CCDC30: variants seen among roughly 807,000 people sequenced by gnomAD.
The protein encoded by CCDC30 is coiled-coil domain containing 30.
Under a neutral mutation model 100.2 loss-of-function variants are expected in CCDC30, and 70 were observed. That is an observed-to-expected ratio of 0.70 (90% CI 0.58 to 0.85). The LOEUF (loss-of-function observed/expected upper bound fraction) is 0.85. Among genes scored for constraint, CCDC30 ranks in the 40% least tolerant of loss-of-function variants. The pLI is 0.00. For synonymous variants in CCDC30, 233 were observed against 269.5 expected, an observed-to-expected ratio of 0.86 and a Z score of 1.33; for missense variants, 652 against 771.2, an observed-to-expected ratio of 0.85 and a Z score of 1.83.
intron 6 of CCDC30, among the ~76,000 whole-genome samples, chr1:42,551,744 TG>T (rs1433811071): frequency 6.9e-4 from 98 of 142,426 alleles, no homozygotes; most frequent in Non-Finnish European, 2.4e-4. Context: ...TAAATTCTGG[TG>T]TGTGTGTGTG....
intron 6 of CCDC30, among the ~76,000 whole-genome samples, chr1:42,535,352 G>C (rs928332492): frequency 6.6e-6 from 1 of 151,906 alleles, no homozygotes; most frequent in African/African-American, 2.4e-5. Context: ...ATCATTATCT[G>C]TATTTTTAAT....
chr1:42,545,313 C>A, intron 6 of CCDC30, 97 bp from the exon 9 acceptor site: 1 of 922,700 alleles, frequency 1.1e-6, no homozygotes, highest in Non-Finnish European at 1.6e-6. Context: ...TTATATAAGC[C>A]AATAGTTAAG....
intron 11 of CCDC30, among the ~76,000 whole-genome samples, chr1:42,612,434 C>T (rs946011168): frequency 3.3e-5 from 5 of 152,216 alleles, no homozygotes; most frequent in African/African-American, 7.2e-5. Context: ...CTGTAAGGGT[C>T]GTGGCTGGAT....
intron 7 of CCDC30, among the ~76,000 whole-genome samples, chr1:42,568,541 C>T (rs929881890): frequency 1.3e-5 from 2 of 152,176 alleles, no homozygotes; most frequent in Middle Eastern, 3.2e-3. Flanking sequence ...TTGTTTCTCT[C>T]TTTCCTTTAT....
At chr1:42,459,716 A>G (rs1569624083), upstream of CCDC30, 1 of 1,614,188 alleles carries the variant, frequency 6.2e-7, no homozygotes, top group Non-Finnish European at 8.5e-7. Flanking sequence ...TAATTAATCG[A>G]GCTCGGAAGG....
chr1:42,523,958 T>C (rs963428408), intron 6 of CCDC30, among the ~76,000 whole-genome samples: 2 of 152,186 alleles, frequency 1.3e-5, no homozygotes, highest in African/African-American at 4.8e-5. Flanking sequence ...TCTATCTCTT[T>C]ACTGATATTT....
chr1:42,516,243 T>C (rs1258046817), intron 6 of CCDC30, among the ~76,000 whole-genome samples: 1 of 152,016 alleles, frequency 6.6e-6, no homozygotes. Context: ...CCATCCTAAG[T>C]GTGTGAAGTG....
In CCDC30 at chr1:42,501,088, A is replaced by G. The variant is rs1309022007; in HGVS notation, c.456+2172A>G. Among the ~76,000 whole-genome samples, 4 of 152,194 alleles carry G rather than the reference A, an allele frequency of 2.6e-5. No homozygotes were observed. In the East Asian group the frequency reaches 5.8e-4, roughly 22 times the overall value. On this transcript the variant is annotated intron_variant, in intron 6 of 16. Transcript: ENST00000668663. ...TGATAGGACACAAAAAGCCTATTTAAGAAATCTTTATCTACTCTAAGGTCA... is the reference window on the plus strand; with the variant it reads ...TGATAGGACACAAAAAGCCTATTTAGGAAATCTTTATCTACTCTAAGGTCA...
At chr1:42,637,970 T>C (rs1570322397) in intron 12 of CCDC30, among the ~76,000 whole-genome samples, 1 of 152,314 alleles carries the variant, frequency 6.6e-6, no homozygotes, top group East Asian at 1.9e-4. Flanking sequence ...TTGGGGTCAC[T>C]AGCCCTTTCA....
chr1:42,602,471 C>T (rs2148627349), intron 10 of CCDC30, among the ~76,000 whole-genome samples: 1 of 152,156 alleles, frequency 6.6e-6, no homozygotes, highest in South Asian at 2.1e-4. Flanking sequence ...GGGAACATTA[C>T]TACAGATGCC....
intron 9 of CCDC30, among the ~76,000 whole-genome samples, chr1:42,589,079 C>A (rs1646132657): frequency 6.6e-6 from 1 of 152,194 alleles, no homozygotes; most frequent in South Asian, 2.1e-4. Flanking sequence ...ACAACTTCCT[C>A]ATCTCTGAAA....
chr1:42,457,178 G>C, the CCDC30 span: 1 of 1,602,886 alleles, frequency 6.2e-7, no homozygotes, highest in Non-Finnish European at 8.5e-7. Flanking sequence ...TGGGGAACCC[G>C]AGTTGAGAAG....
At chr1:42,649,381 G>A (rs560755410) in intron 15 of CCDC30, among the ~76,000 whole-genome samples, 3 of 152,234 alleles carry the variant, frequency 2.0e-5, no homozygotes, top group South Asian at 4.1e-4. Flanking sequence ...TACAGAAAAA[G>A]CATCTGACAA....
At chr1:42,589,327 T>A in exon 10 of CCDC30, 1 of 1,599,766 alleles carries the variant, frequency 6.3e-7, no homozygotes, top group Non-Finnish European at 8.5e-7. Flanking sequence ...TCAGGAAACT[T>A]CTATATCAGA....
intron 6 of CCDC30, among the ~76,000 whole-genome samples, chr1:42,558,680 C>T (rs1645423289): frequency 6.6e-6 from 1 of 152,096 alleles, no homozygotes; most frequent in African/African-American, 2.4e-5. Flanking sequence ...ATTGGAGTAC[C>T]AGAAGGAGAC....
intron 11 of CCDC30, among the ~76,000 whole-genome samples, chr1:42,632,511 C>A (rs1448488775): frequency 6.6e-6 from 1 of 151,932 alleles, no homozygotes; most frequent in African/African-American, 2.4e-5. Flanking sequence ...CGACTGTAAT[C>A]CCAGAACTTT....
At chr1:42,646,169 A>G in exon 15 of CCDC30, 1 of 1,604,544 alleles carries the variant, frequency 6.2e-7, no homozygotes, top group Non-Finnish European at 8.5e-7. Context: ...AAATGGTGGC[A>G]TAGAGGCAAG....
chr1:42,586,750 G>A (rs967094758), intron 9 of CCDC30, among the ~76,000 whole-genome samples: 3 of 152,088 alleles, frequency 2.0e-5, no homozygotes, highest in African/African-American at 7.2e-5. Flanking sequence ...ATAAGAAAGA[G>A]TAATGGGGAG....
At chr1:42,497,054 A>C (rs1644242773) in intron 4 of CCDC30, 44 bp from the exon 5 acceptor site, 2 of 1,097,508 alleles carry the variant, frequency 1.8e-6, no homozygotes, top group Admixed American at 4.3e-5. Flanking sequence ...CCTGAAACTA[A>C]AACTTTGATC....
Sources: allele counts gnomAD v4.1 joint callset (sites outside exome capture counted in the v4.1 genomes callset), GRCh38; gene constraint gnomAD v4.1.1; transcripts MANE v1.5; gene names NCBI Gene and HGNC (gene_info 2026-07-23, HGNC 2026-07-21).